The following SMCHD1 variants were observed in gnomAD, a reference collection of about 807,000 sequenced individuals.
SMCHD1 encodes the protein structural maintenance of chromosomes flexible hinge domain containing 1.
Under a neutral mutation model 254.7 loss-of-function variants are expected in SMCHD1, and 78 were observed. The ratio of observed to expected loss-of-function variants is 0.31; its 90% CI spans 0.26 to 0.37. The LOEUF (loss-of-function observed/expected upper bound fraction) is 0.37, where lower values mean the gene tolerates loss of function less well. SMCHD1 is among the 10% of genes least tolerant of loss of function. The probability of loss-of-function intolerance (pLI) is 1.00; values close to 1 mark genes in which losing one functional copy is unlikely to be tolerated. For missense variants in SMCHD1, 1,840 were observed against 2,408.1 expected, an observed-to-expected ratio of 0.76 and a Z score of 4.94; for synonymous variants, 766 against 794.9, an observed-to-expected ratio of 0.96 and a Z score of 0.61.
chr18:2,742,024 G>A (rs1294853804), intron 28 of SMCHD1, among the ~76,000 whole-genome samples: 1 of 152,126 alleles, frequency 6.6e-6, no homozygotes, highest in Non-Finnish European at 1.5e-5. Flanking sequence ...TCATTCTGTA[G>A]CAAGCCACTC....
At chr18:2,748,721 T>C (rs2075516794) in intron 30 of SMCHD1, among the ~76,000 whole-genome samples, 1 of 152,110 alleles carries the variant, frequency 6.6e-6, no homozygotes, top group African/African-American at 2.4e-5. Flanking sequence ...ATACTGTCTC[T>C]TCTGTTGGTT....
At chr18:2,782,475 C>T (rs537477412) in intron 44 of SMCHD1, among the ~76,000 whole-genome samples, 5 of 152,048 alleles carry the variant, frequency 3.3e-5, no homozygotes, top group East Asian at 1.9e-4. Flanking sequence ...CATGATGGCT[C>T]ATGCCTGTAA....
chr18:2,731,897 G>A (rs2075147858), intron 24 of SMCHD1, among the ~76,000 whole-genome samples: 1 of 152,108 alleles, frequency 6.6e-6, no homozygotes, highest in Admixed American at 6.5e-5. Context: ...TGTAATCCCA[G>A]CTACTCTGGA....
intron 19 of SMCHD1, among the ~76,000 whole-genome samples, chr18:2,719,271 T>C (rs918995578): frequency 1.3e-5 from 2 of 150,304 alleles, no homozygotes; most frequent in African/African-American, 2.5e-5. Flanking sequence ...TCCTCTCTCC[T>C]CTCTCCCCTC....
At chr18:2,715,212 T>A (rs748683120) in intron 17 of SMCHD1, among the ~76,000 whole-genome samples, 4 of 152,166 alleles carry the variant, frequency 2.6e-5, no homozygotes, top group African/African-American at 4.8e-5. Context: ...GTTTTTGCTT[T>A]TTCTTTTCCC....
intron 43 of SMCHD1, 118 bp downstream of exon 43, chr18:2,778,033 C>A: frequency 1.0e-6 from 1 of 993,156 alleles, no homozygotes. Context: ...ATAGTTTTAT[C>A]AGTTTTTTTA....
chr18:2,762,538 G>C (rs1374128394), intron 36 of SMCHD1, among the ~76,000 whole-genome samples: 2 of 143,616 alleles, frequency 1.4e-5, no homozygotes, highest in African/African-American at 2.6e-5. Context: ...CTGTCACCCA[G>C]GCTGGAGTAG....
At chr18:2,795,866 C>A (rs2076253817) in intron 45 of SMCHD1, 83 bp from the exon 46 acceptor site, 1 of 1,168,186 alleles carries the variant, frequency 8.6e-7, no homozygotes, top group Non-Finnish European at 1.2e-6. Flanking sequence ...AACACAAATT[C>A]CAGTGTTGCT....
chr18:2,709,249 TAC>T (rs55996930), intron 17 of SMCHD1, among the ~76,000 whole-genome samples: 72,036 of 145,722 alleles, frequency 0.49, 18,474 homozygotes, highest in East Asian at 0.6. Context: ...TATATATATA[TAC>T]ACACACACAT....
chr18:2,696,643 G>A lies in SMCHD1; in HGVS notation c.1041-389G>A, dbSNP rs1417054547. ...CTAATCCAGTTTACCACCGATAATT[G>A]AGTCCTTTCTGGAACGTACCTGGTA... On this transcript the variant is annotated intron_variant, in intron 8 of 47. Coordinates refer to ENST00000320876, the MANE Select transcript of SMCHD1 (RefSeq NM_015295.3). Among the ~76,000 whole-genome samples the A allele has an allele frequency of 2.6e-5, 4 of 152,228 alleles. No homozygotes were observed. In the East Asian group the frequency reaches 7.7e-4, roughly 29 times the overall value.
At chr18:2,749,670 T>C (rs2075535220) in intron 30 of SMCHD1, among the ~76,000 whole-genome samples, 1 of 152,194 alleles carries the variant, frequency 6.6e-6, no homozygotes, top group African/African-American at 2.4e-5. Context: ...GTGTGTACAG[T>C]ATATATTTCT....
chr18:2,687,599 T>C (rs1444217676), intron 5 of SMCHD1, among the ~76,000 whole-genome samples: 1 of 152,202 alleles, frequency 6.6e-6, no homozygotes. Flanking sequence ...CCATGTCTTT[T>C]ATTGGTTCAA....
intron 41 of SMCHD1, among the ~76,000 whole-genome samples, chr18:2,773,381 T>C (rs930462328): frequency 6.6e-6 from 1 of 152,204 alleles, no homozygotes; most frequent in African/African-American, 2.4e-5. Flanking sequence ...ATATGTGAGA[T>C]TTTTACCAAC....
chr18:2,700,796 A>G lies in SMCHD1; in HGVS notation c.1525A>G (p.Ile509Val), dbSNP rs1598335785. The G allele has an allele frequency of 1.2e-6, 2 of 1,613,280 alleles. No individual in the cohort carries two copies. The highest frequency in any genetic ancestry group is 1.7e-6 in the Non-Finnish European group (2 of 1,179,538). The change falls in exon 12 of 48, where the codon ATA becomes GTA. Residue 509 changes from isoleucine to valine, a missense_variant. Ile to Val is a conservative substitution (Grantham distance 29, BLOSUM62 3). Transcript: ENST00000320876. The part of the protein sequence containing the change: ...GLAPIECYNR[I>V]SGALFTNDKF... ...TGCACCAATTGAATGCTACAATAGG[A>G]TATCTGGTGCATTATTCACTAATGA...
chr18:2,700,465 C>T, intron 10 of SMCHD1, 74 bp from the exon 11 acceptor site: 3 of 1,446,732 alleles, frequency 2.1e-6, no homozygotes, highest in Non-Finnish European at 2.8e-6. Flanking sequence ...CAATTTGAAA[C>T]ATTTATGTGT....
At chr18:2,756,765 A>G (rs1289472471) in intron 34 of SMCHD1, among the ~76,000 whole-genome samples, 2 of 152,104 alleles carry the variant, frequency 1.3e-5, no homozygotes, top group East Asian at 3.8e-4. Flanking sequence ...CTGTCAGACT[A>G]TCAATTTTAT....
intron 45 of SMCHD1, among the ~76,000 whole-genome samples, chr18:2,794,491 G>A (rs1007205075): frequency 1.3e-5 from 2 of 152,152 alleles, no homozygotes; most frequent in East Asian, 1.9e-4. Context: ...GGGTGACAGA[G>A]TGAGACCGTA....
At chr18:2,753,761 G>A (rs1469698884) in intron 34 of SMCHD1, among the ~76,000 whole-genome samples, 1 of 151,998 alleles carries the variant, frequency 6.6e-6, no homozygotes, top group Admixed American at 6.6e-5. Flanking sequence ...TCACCAAGTT[G>A]CTCTGGCTAG....
Position 2,722,661 on chromosome 18 carries a change from A to C in SMCHD1, c.2601A>C (p.Ala867=). 2 of 1,607,400 alleles carry C rather than the reference A, an allele frequency of 1.2e-6. No individual in the cohort carries two copies. The highest frequency in any genetic ancestry group is 1.1e-5 in the South Asian group (1 of 88,888). Residue 867 remains alanine (A), a splice_region_variant and synonymous_variant, in exon 20 of 48, where the codon GCA becomes GCC. Coordinates refer to ENST00000320876, the MANE Select transcript of SMCHD1 (RefSeq NM_015295.3). ...CTGATATTCAGCCAGTTCTTGAAGC[A>C]AGGTAATTTGAAGGATCAATATGTA... ...LVTDIQPVLE[A]SGLSLHYEEI... is the part of the protein sequence containing the mutation.
Sources: allele counts gnomAD v4.1 joint callset (sites outside exome capture counted in the v4.1 genomes callset), GRCh38; gene constraint gnomAD v4.1.1; transcripts MANE v1.5; gene names NCBI Gene and HGNC (gene_info 2026-07-23, HGNC 2026-07-21).